Variants in NAALADL2 observed in about 807,000 individuals in gnomAD.
The protein encoded by NAALADL2 is inactive N-acetylated-alpha-linked acidic dipeptidase-like protein 2.
NAALADL2 carries 76 observed loss-of-function variants against 87.2 expected under a neutral mutation model. That is an observed-to-expected ratio of 0.87 (90% CI 0.72 to 1.05). The LOEUF is 1.05. Ranked by LOEUF, NAALADL2 falls within the 50% of genes least tolerant of loss-of-function variation. The probability of loss-of-function intolerance (pLI) is 0.00; values close to 1 mark genes in which losing one functional copy is unlikely to be tolerated. For missense variants in NAALADL2, 1,089 were observed against 945.8 expected, an observed-to-expected ratio of 1.15 and a Z score of -1.99; for synonymous variants, 354 against 331.0, an observed-to-expected ratio of 1.07 and a Z score of -0.75.
intron 2 of NAALADL2, among the ~76,000 whole-genome samples, chr3:174,585,209 A>G (rs1716572090): frequency 6.6e-6 from 1 of 152,158 alleles, no homozygotes; most frequent in Admixed American, 6.6e-5. Flanking sequence ...ATGCATCATA[A>G]TCATTTGTGG....
chr3:175,599,360 A>G (rs1722658127), intron 10 of NAALADL2, among the ~76,000 whole-genome samples: 1 of 152,046 alleles, frequency 6.6e-6, no homozygotes, highest in African/African-American at 2.4e-5. Context: ...TTATAGAGTA[A>G]TTACTATAAA....
At chr3:175,410,520 C>A in intron 5 of NAALADL2, among the ~76,000 whole-genome samples, 1 of 152,052 alleles carries the variant, frequency 6.6e-6, no homozygotes, top group Non-Finnish European at 1.5e-5. Context: ...CTTACTCATG[C>A]CAGGCATTCT....
chr3:175,588,977 T>C (rs905291681), intron 10 of NAALADL2, among the ~76,000 whole-genome samples: 3 of 152,216 alleles, frequency 2.0e-5, no homozygotes, highest in Admixed American at 6.5e-5. Context: ...GAATGGTGTG[T>C]TTTATAACCC....
intron 3 of NAALADL2, among the ~76,000 whole-genome samples, chr3:174,806,625 G>T (rs1025514976): frequency 6.6e-6 from 1 of 152,154 alleles, no homozygotes; most frequent in African/African-American, 2.4e-5. Flanking sequence ...ACAGAGATTT[G>T]TCCAGATGCA....
intron 2 of NAALADL2, among the ~76,000 whole-genome samples, chr3:175,179,902 C>T (rs1560126648): frequency 6.6e-6 from 1 of 152,034 alleles, no homozygotes; most frequent in Non-Finnish European, 1.5e-5. Context: ...CATTGTGTCA[C>T]ATAGTATCGG....
intron 4 of NAALADL2, among the ~76,000 whole-genome samples, chr3:175,263,580 C>A (rs576548188): frequency 6.6e-6 from 1 of 151,742 alleles, no homozygotes; most frequent in African/African-American, 2.4e-5. Context: ...GGTTGATTTT[C>A]GCATATTTCT....
At chr3:175,490,884 T>C (rs988011294) in intron 9 of NAALADL2, among the ~76,000 whole-genome samples, 12 of 152,102 alleles carry the variant, frequency 7.9e-5, no homozygotes, top group Non-Finnish European at 1.2e-4. Flanking sequence ...TATTACCTTA[T>C]AGTTAGGAAT....
chr3:175,699,481 A>G (rs1738675642), intron 11 of NAALADL2, among the ~76,000 whole-genome samples: 1 of 152,052 alleles, frequency 6.6e-6, no homozygotes, highest in South Asian at 2.1e-4. Context: ...TTAACTCTGC[A>G]TTCAAGAAAA....
intron 1 of NAALADL2, among the ~76,000 whole-genome samples, chr3:174,493,595 A>G (rs1029207222): frequency 5.3e-5 from 8 of 152,202 alleles, no homozygotes; most frequent in African/African-American, 1.9e-4. Context: ...AATTAATACA[A>G]TGAATTTTCT....
intron 1 of NAALADL2, among the ~76,000 whole-genome samples, chr3:174,490,069 G>A (rs1428621165): frequency 6.6e-6 from 1 of 151,822 alleles, no homozygotes; most frequent in Non-Finnish European, 1.5e-5. Flanking sequence ...AAAAAGAAAT[G>A]AAAACATATG....
intron 1 of NAALADL2, among the ~76,000 whole-genome samples, chr3:174,474,567 G>A: frequency 6.6e-6 from 1 of 152,134 alleles, no homozygotes; most frequent in Non-Finnish European, 1.5e-5. Flanking sequence ...TAATTGGTAA[G>A]AAGAGAGTTT....
chr3:175,496,567 T>C (rs1364101564), intron 9 of NAALADL2, among the ~76,000 whole-genome samples: 2 of 152,168 alleles, frequency 1.3e-5, no homozygotes, highest in African/African-American at 4.8e-5. Context: ...GTGGTGGTTC[T>C]TTTTTGATAC....
At chr3:175,639,342 A>C (rs1728980414) in intron 11 of NAALADL2, among the ~76,000 whole-genome samples, 1 of 70,354 alleles carries the variant, frequency 1.4e-5, no homozygotes, top group Admixed American at 1.4e-4. Flanking sequence ...TTTTTTTGAG[A>C]CGGAGTCTCG....
At chr3:175,570,379 C>G (rs1717875471) in intron 9 of NAALADL2, among the ~76,000 whole-genome samples, 1 of 152,094 alleles carries the variant, frequency 6.6e-6, no homozygotes, top group Admixed American at 6.5e-5. Context: ...GATATTTGAC[C>G]AAATATCTGG....
intron 2 of NAALADL2, among the ~76,000 whole-genome samples, chr3:174,673,660 G>GT (rs1366081994): frequency 1.5e-5 from 2 of 137,718 alleles, no homozygotes; most frequent in Non-Finnish European, 3.1e-5. Flanking sequence ...TGTTCGGGGG[G>GT]TGAGAGGATG....
intron 1 of NAALADL2, among the ~76,000 whole-genome samples, chr3:175,048,992 A>G (rs1280156148): frequency 2.0e-5 from 3 of 152,122 alleles, no homozygotes; most frequent in African/African-American, 7.2e-5. Flanking sequence ...TAAATTAGGG[A>G]TGTAATCAGT....
At position 175,463,467 on chromosome 3, in the gene NAALADL2, G is replaced by T; in HGVS notation, c.1301G>T (p.Gly434Val). The change falls in exon 7 of 14, where the codon GGA becomes GTA. Residue 434 changes from glycine to valine, a missense_variant. By Grantham distance (109) the Gly-to-Val change is moderately radical. Coordinates refer to ENST00000454872, the MANE Select transcript of NAALADL2 (RefSeq NM_207015.3). ...TKLKTVTNVVGFVMGLTSPDR... is the reference protein window; with the variant it reads ...TKLKTVTNVVVFVMGLTSPDR... ...TTGAAAACAGTTACTAATGTTGTTG[G>T]ATTTGTAATGGGCTTGACATCTCCA... 6.3e-7 allele frequency: 1 copy of T among 1,597,456 alleles called. No homozygotes were observed. Among genetic ancestry groups the T allele is most frequent in the Non-Finnish European group, 8.5e-7 (1 of 1,170,430 alleles).
intron 2 of NAALADL2, among the ~76,000 whole-genome samples, chr3:174,700,045 T>C (rs991082020): frequency 6.6e-6 from 1 of 152,192 alleles, no homozygotes; most frequent in South Asian, 2.1e-4. Context: ...TGTGTTTGTT[T>C]ACTTACTTGT....
chr3:174,658,528 T>C (rs1304046984), intron 2 of NAALADL2, among the ~76,000 whole-genome samples: 2 of 152,156 alleles, frequency 1.3e-5, no homozygotes, highest in Non-Finnish European at 2.9e-5. Flanking sequence ...TTTCCAGACA[T>C]GTCTTTTTGC....
Sources: gnomAD v4.1 joint callset for allele counts (sites outside exome capture counted in the v4.1 genomes callset) on GRCh38, gnomAD v4.1.1 for gene constraint, MANE v1.5 for transcripts, NCBI Gene and HGNC (gene_info 2026-07-23, HGNC 2026-07-21) for gene names.